HTR2C: variants seen among roughly 807,000 people sequenced by gnomAD.
HTR2C encodes 5-hydroxytryptamine (serotonin) receptor 2C, G protein-coupled.
In HTR2C, 5 loss-of-function variants were observed where a neutral mutation model predicts 21.0. The ratio of observed to expected loss-of-function variants is 0.24; its 90% confidence interval spans 0.12 to 0.50. The LOEUF is 0.50. Among genes scored for constraint, HTR2C ranks in the 20% least tolerant of loss-of-function variants. The pLI is 0.98. For missense variants in HTR2C, 271 were observed against 371.2 expected (o/e 0.73, Z 2.22); for synonymous variants, 150 against 145.3 (o/e 1.03, Z -0.23).
chrX:114,840,485 C>T (rs1389423440), intron 4 of HTR2C, among the ~76,000 whole-genome samples: 4 of 110,238 alleles, frequency 3.6e-5, no homozygotes, highest in Non-Finnish European at 3.8e-5. Context: ...AAGATCAGAG[C>T]GAAACACATT....
intron 1 of HTR2C, among the ~76,000 whole-genome samples, chrX:114,612,785 C>T (rs1189744313): frequency 9.0e-6 from 1 of 111,076 alleles, no homozygotes; most frequent in East Asian, 2.8e-4. Context: ...GGATCCAGAC[C>T]CCAAGAGAGG....
intron 2 of HTR2C, among the ~76,000 whole-genome samples, chrX:114,618,263 T>A (rs2147808592): frequency 8.9e-6 from 1 of 112,232 alleles, no homozygotes; most frequent in South Asian, 3.6e-4. Flanking sequence ...TCTAAGATAC[T>A]GCAACTTTTG....
intron 4 of HTR2C, among the ~76,000 whole-genome samples, chrX:114,763,710 C>T (rs1351119141): frequency 9.1e-6 from 1 of 110,083 alleles, no homozygotes; most frequent in Non-Finnish European, 1.9e-5. Flanking sequence ...AGCATCTACT[C>T]CTATATCTGG....
At chrX:114,855,195 C>A (rs1160153468) in intron 5 of HTR2C, among the ~76,000 whole-genome samples, 3 of 111,134 alleles carry the variant, frequency 2.7e-5, no homozygotes, top group African/African-American at 9.8e-5. Context: ...CAATCAGAAA[C>A]CAAATCACTG....
chrX:114,734,564 T>TAAAAAAGAAAAAAAAAAA (rs2069569661), intron 4 of HTR2C, among the ~76,000 whole-genome samples: 1 of 34,317 alleles, frequency 2.9e-5, no homozygotes, highest in Non-Finnish European at 5.0e-5. Context: ...GCCTTACATG[T>TAAAAAAGAAAAAAAAAAA]AAAAAAAAAA....
At chrX:114,672,820 G>A (rs1931428300) in intron 2 of HTR2C, among the ~76,000 whole-genome samples, 1 of 112,229 alleles carries the variant, frequency 8.9e-6, no homozygotes, top group Non-Finnish European at 1.9e-5. Context: ...ATTAGATTAT[G>A]TTACAATATG....
At chrX:114,850,664 T>C (rs781830437) in intron 5 of HTR2C, among the ~76,000 whole-genome samples, 1 of 110,125 alleles carries the variant, frequency 9.1e-6, no homozygotes, top group Non-Finnish European at 1.9e-5. Context: ...CAACACTTTG[T>C]CTCTACAAAT....
chrX:114,849,806 C>A lies in HTR2C; in HGVS notation c.550+1603C>A, dbSNP rs781890175. On this transcript the variant is annotated intron_variant, in intron 5 of 5. Coordinates refer to ENST00000276198, the MANE Select transcript of HTR2C (RefSeq NM_000868.4). ...TTGGGGCATAAACAAACAAAAAAAACCCCATAATCCTAGATTTCAACTTAT... is the reference window on the plus strand; with the variant it reads ...TTGGGGCATAAACAAACAAAAAAAAACCCATAATCCTAGATTTCAACTTAT... Among the ~76,000 whole-genome samples the A allele has an allele frequency of 2.3e-4, 26 of 111,908 alleles. No individual in the cohort carries two copies. The South Asian group carries it at 2.6e-3, about 11-fold the overall frequency.
At chrX:114,905,268 A>G (rs190082391) in intron 5 of HTR2C, among the ~76,000 whole-genome samples, 7 of 111,864 alleles carry the variant, frequency 6.3e-5, no homozygotes, top group Non-Finnish European at 1.1e-4. Flanking sequence ...AAGGCCAGTC[A>G]TTTTAGAAAT....
chrX:114,613,365 T>C (rs1928824452), intron 1 of HTR2C, among the ~76,000 whole-genome samples: 1 of 111,851 alleles, frequency 8.9e-6, no homozygotes, highest in African/African-American at 3.3e-5. Context: ...TAAACTGTCA[T>C]GGCGCTGGTG....
chrX:114,761,981 GTATATATAC>G (rs2069880313), intron 4 of HTR2C, among the ~76,000 whole-genome samples: 3 of 9,160 alleles, frequency 3.3e-4, no homozygotes, highest in Non-Finnish European at 8.6e-4. Context: ...ATATATACGT[GTATATATAC>G]TATATATACA....
At chrX:114,830,505 G>C (rs1444497680) in intron 4 of HTR2C, among the ~76,000 whole-genome samples, 1 of 111,227 alleles carries the variant, frequency 9.0e-6, no homozygotes, top group African/African-American at 3.3e-5. Flanking sequence ...ACAGGTTTTA[G>C]TTGTAATCTA....
chrX:114,900,298 C>A, intron 5 of HTR2C: 1 of 173,593 alleles, frequency 5.8e-6, no homozygotes, highest in South Asian at 1.2e-4. Context: ...GTTCTGAGAC[C>A]ATTCTTCCAC....
At chrX:114,876,422 C>CCTTT (rs2071136350) in intron 5 of HTR2C, among the ~76,000 whole-genome samples, 2 of 62,397 alleles carry the variant, frequency 3.2e-5, no homozygotes, top group Non-Finnish European at 5.6e-5. Flanking sequence ...CTTTTTCTTT[C>CCTTT]TTTTTTTTTT....
At chrX:114,590,916 T>C (rs1254540528) in intron 1 of HTR2C, among the ~76,000 whole-genome samples, 1 of 111,881 alleles carries the variant, frequency 8.9e-6, no homozygotes, top group African/African-American at 3.2e-5. Context: ...TATGGGTTGA[T>C]GGCTCAGAAA....
intron 2 of HTR2C, among the ~76,000 whole-genome samples, chrX:114,684,789 G>A (rs1196980345): frequency 9.0e-6 from 1 of 111,294 alleles, no homozygotes; most frequent in East Asian, 2.8e-4. Flanking sequence ...TTAAAAATAG[G>A]TCTTTACAGG....
chrX:114,839,634 C>G (rs962554184), intron 4 of HTR2C, among the ~76,000 whole-genome samples: 6 of 110,999 alleles, frequency 5.4e-5, no homozygotes, highest in African/African-American at 2.0e-4. Flanking sequence ...TTGCAGTGAG[C>G]TGAAATAGTG....
chrX:114,637,741 A>C (rs782397262), intron 2 of HTR2C, among the ~76,000 whole-genome samples: 26 of 111,676 alleles, frequency 2.3e-4, no homozygotes, highest in Non-Finnish European at 4.7e-4. Context: ...AAGGAAAATT[A>C]AAATGCAAAC....
At chrX:114,585,942 G>A (rs1239584822) in intron 1 of HTR2C, among the ~76,000 whole-genome samples, 1 of 110,401 alleles carries the variant, frequency 9.1e-6, no homozygotes, top group Non-Finnish European at 1.9e-5. Flanking sequence ...GAAATGCGGC[G>A]CACTGAGTAA....
Sources: allele counts gnomAD v4.1 joint callset (sites outside exome capture counted in the v4.1 genomes callset), GRCh38; gene constraint gnomAD v4.1.1; transcripts MANE v1.5; gene names NCBI Gene and HGNC (gene_info 2026-07-23, HGNC 2026-07-21).